Variants in CXXC4 observed in about 807,000 individuals in gnomAD.
CXXC4 encodes the protein CXXC finger protein 4.
A neutral mutation model predicts 20.5 loss-of-function variants in CXXC4; 5 were observed. The observed-to-expected ratio is 0.24, with a 90% CI of 0.13 to 0.51. The LOEUF (loss-of-function observed/expected upper bound fraction) is 0.51, where lower values mean the gene tolerates loss of function less well. Ranked by LOEUF, CXXC4 falls within the 20% of genes least tolerant of loss-of-function variation. The pLI, the probability that CXXC4 is intolerant of heterozygous loss-of-function variation, is 0.97. For missense variants in CXXC4, 419 were observed against 496.4 expected (o/e 0.84, Z 1.48); for synonymous variants, 250 against 216.4 (o/e 1.16, Z -1.36).
intron 2 of CXXC4, among the ~76,000 whole-genome samples, chr4:104,483,501 T>C (rs1205065404): frequency 1.3e-5 from 2 of 151,942 alleles, no homozygotes; most frequent in African/African-American, 4.8e-5. Flanking sequence ...TATTCTGTTT[T>C]TAGTAAAAAA....
intron 2 of CXXC4, among the ~76,000 whole-genome samples, chr4:104,484,078 T>C (rs1328043308): frequency 1.3e-5 from 2 of 152,004 alleles, no homozygotes; most frequent in African/African-American, 4.8e-5. Flanking sequence ...GGCTTTAATG[T>C]CTGAAAACTA....
chr4:104,473,638 CCAA>C (rs1736331543), intron 2 of CXXC4, among the ~76,000 whole-genome samples: 1 of 151,710 alleles, frequency 6.6e-6, no homozygotes, highest in African/African-American at 2.4e-5. Context: ...TTAGACTAGC[CCAA>C]CAAGCCTGTA....
Position 104,492,036 on chromosome 4 carries a change from T to C in CXXC4, c.-234A>G, listed in dbSNP as rs1736901118. 1 of 374,872 alleles carries C rather than the reference T, an allele frequency of 2.7e-6. No homozygotes were observed. The highest frequency in any genetic ancestry group is 2.1e-5 in the African/African-American group (1 of 48,182). The allele number at this position is 374,872 out of a possible 1,614,324, so 23.2% of individuals were successfully genotyped here. A position where few individuals can be genotyped will look rare whatever the true frequency, so the allele number is the denominator to read the frequency against. ...TGAATTCCCAGGCAGCGTCTTCCTT[T>C]GCATTATCCTCCAACTGTTACAACT... On this transcript the variant is annotated 5_prime_UTR_variant, in exon 2 of 3. Coordinates refer to ENST00000394767, the MANE Select transcript of CXXC4 (RefSeq NM_025212.4).
chr4:104,477,684 A>T (rs1448476141), intron 2 of CXXC4, among the ~76,000 whole-genome samples: 1 of 152,000 alleles, frequency 6.6e-6, no homozygotes, highest in African/African-American at 2.4e-5. Flanking sequence ...ACAGTCCAAT[A>T]ATTTATTGCT....
chr4:104,472,496 C>A, intron 2 of CXXC4, 130 bp from the exon 3 acceptor site: 1 of 524,394 alleles, frequency 1.9e-6, no homozygotes. Flanking sequence ...TATATTTCAA[C>A]ATTTAATAAA....
At chr4:104,480,610 A>G (rs146301405) in intron 2 of CXXC4, among the ~76,000 whole-genome samples, 3 of 134,586 alleles carry the variant, frequency 2.2e-5, no homozygotes, top group African/African-American at 1.2e-4. Flanking sequence ...TTTTTCCACC[A>G]TGGTAAATGG....
At chr4:104,481,497 C>T (rs1200537877) in intron 2 of CXXC4, among the ~76,000 whole-genome samples, 1 of 151,370 alleles carries the variant, frequency 6.6e-6, no homozygotes, top group African/African-American at 2.4e-5. Context: ...CACGCCACTG[C>T]ACTCCAGACT....
intron 2 of CXXC4, among the ~76,000 whole-genome samples, chr4:104,479,478 TAAGTC>T (rs1273466456): frequency 6.6e-6 from 1 of 152,148 alleles, no homozygotes. Flanking sequence ...CCTGTTAGGC[TAAGTC>T]AAGTAGCATT....
intron 2 of CXXC4, among the ~76,000 whole-genome samples, chr4:104,486,113 T>TATTTTA (rs566206362): frequency 3.6e-3 from 549 of 152,230 alleles, no homozygotes; most frequent in Middle Eastern, 6.8e-3. Context: ...TTAATTACTT[T>TATTTTA]ATTTTATTAT....
chr4:104,480,063 C>A (rs1405031837), intron 2 of CXXC4, among the ~76,000 whole-genome samples: 2 of 152,072 alleles, frequency 1.3e-5, no homozygotes, highest in Non-Finnish European at 2.9e-5. Context: ...TACTATTAAG[C>A]ATTTTCCACT....
rs1302346815 is a variant in CXXC4 at position 104,468,736 on chromosome 4, G to A, written c.*3586C>T. On this transcript the variant is annotated 3_prime_UTR_variant, in exon 3 of 3. Coordinates refer to ENST00000394767, the MANE Select transcript of CXXC4 (RefSeq NM_025212.4). ...AAACTGAAACATTTAGCTGTTACATGAGAACCAACTGTTTGATATCACTGT... is the reference window on the plus strand; with the variant it reads ...AAACTGAAACATTTAGCTGTTACATAAGAACCAACTGTTTGATATCACTGT... The A allele has an allele frequency of 2.0e-5, 3 of 151,382 alleles. No individual in the cohort carries two copies. The highest frequency in any genetic ancestry group is 7.3e-5 in the African/African-American group (3 of 41,242). The allele number at this position is 151,382 out of a possible 1,614,324, so 9.4% of individuals were successfully genotyped here.
At chr4:104,490,533 T>G (rs529263290) in intron 2 of CXXC4, among the ~76,000 whole-genome samples, 38 of 150,024 alleles carry the variant, frequency 2.5e-4, no homozygotes, top group Non-Finnish European at 2.9e-4. Flanking sequence ...GAGGGCACTC[T>G]CTCTATCAGA....
intron 2 of CXXC4, among the ~76,000 whole-genome samples, chr4:104,485,902 A>G (rs1323261314): frequency 1.3e-5 from 2 of 152,250 alleles, no homozygotes; most frequent in South Asian, 2.1e-4. Flanking sequence ...AACAAAATAT[A>G]GAGAAATACT....
chr4:104,491,508 CGGCGGCGGT>C lies in CXXC4; in HGVS notation c.286_294del (p.Thr96_Ala98del). On this transcript the variant is annotated inframe_deletion, in exon 2 of 3. Coordinates refer to ENST00000394767, the MANE Select transcript of CXXC4 (RefSeq NM_025212.4). ...CTGCCCCAGAGCATGGCGGTGGCGG[CGGCGGCGGT>C]GGCCGCGTTGTCGCAGTTCCAGGGG... The C allele has an allele frequency of 2.6e-6, 3 of 1,169,502 alleles. No individual in the cohort carries two copies. The highest frequency in any genetic ancestry group is 1.9e-5 in the South Asian group (1 of 51,914). The allele number at this position is 1,169,502 out of a possible 1,614,324, so 72.4% of individuals were successfully genotyped here. A position where few individuals can be genotyped will look rare whatever the true frequency, so the allele number is the denominator to read the frequency against.
At chr4:104,484,226 C>A (rs1176008040) in intron 2 of CXXC4, among the ~76,000 whole-genome samples, 1 of 151,798 alleles carries the variant, frequency 6.6e-6, no homozygotes, top group Non-Finnish European at 1.5e-5. Context: ...AATGTTAAAA[C>A]GTTATAAGGT....
At chr4:104,488,252 C>T (rs570708558) in intron 2 of CXXC4, among the ~76,000 whole-genome samples, 1 of 152,212 alleles carries the variant, frequency 6.6e-6, no homozygotes, top group East Asian at 1.9e-4. Context: ...TGAGGATGGA[C>T]CAAATTTAAG....
At chr4:104,492,812 T>A (rs1736931607) in intron 1 of CXXC4, among the ~76,000 whole-genome samples, 1 of 151,906 alleles carries the variant, frequency 6.6e-6, no homozygotes. Context: ...GGTAAGAGGG[T>A]GGTGTTCTAC....
chr4:104,490,492 A>G (rs1736816186), intron 2 of CXXC4, among the ~76,000 whole-genome samples: 2 of 152,228 alleles, frequency 1.3e-5, no homozygotes, highest in Non-Finnish European at 2.9e-5. Flanking sequence ...TGATTCTTCA[A>G]TTACATTATT....
Position 104,490,900 on chromosome 4 carries a change from G to A in CXXC4, c.903C>T (p.Ala301=), listed in dbSNP as rs1205522970. The change falls in exon 2 of 3, where the codon GCC becomes GCT. Residue 301 remains alanine, a synonymous_variant. Coordinates refer to ENST00000394767, the MANE Select transcript of CXXC4 (RefSeq NM_025212.4). ...CCCCACACCTTTTCCTCTTCTTCTT[G>A]GCTGGGTTGGCTCCGCCAGCTCCCC... ...SSGGAGGANP[A]KKKRKRCGVC... 3 of 1,614,144 alleles carry A rather than the reference G, an allele frequency of 1.9e-6. No individual in the cohort carries two copies. The East Asian group carries it at 6.7e-5, about 36-fold the overall frequency.
Sources: gnomAD v4.1 joint callset for allele counts (sites outside exome capture counted in the v4.1 genomes callset) on GRCh38, gnomAD v4.1.1 for gene constraint, MANE v1.5 for transcripts, NCBI Gene and HGNC (gene_info 2026-07-23, HGNC 2026-07-21) for gene names.